Variants in RNF111 observed in about 807,000 individuals in gnomAD.
RNF111 encodes ring finger protein 111.
Under a neutral mutation model 95.1 loss-of-function variants are expected in RNF111, and 17 were observed. The ratio of observed to expected loss-of-function variants is 0.18; its 90% CI spans 0.12 to 0.27. RNF111 has a LOEUF of 0.27. Among genes scored for constraint, RNF111 ranks in the 10% least tolerant of loss-of-function variants. The probability of loss-of-function intolerance (pLI) is 1.00; values close to 1 mark genes in which losing one functional copy is unlikely to be tolerated. For synonymous variants in RNF111, 440 were observed against 414.8 expected, an observed-to-expected ratio of 1.06 and a Z score of -0.74; for missense variants, 1,189 against 1,210.4, an observed-to-expected ratio of 0.98 and a Z score of 0.26.
chr15:59,009,615 T>G (rs548331340), intron 1 of RNF111, among the ~76,000 whole-genome samples: 1 of 151,886 alleles, frequency 6.6e-6, no homozygotes, highest in South Asian at 2.1e-4. Flanking sequence ...ACTTGGAGCA[T>G]TTGTGAGTGA....
rs1434523209 is a variant in RNF111, at chr15:59,067,043, G to A, written c.1646G>A (p.Cys549Tyr). Reference protein sequence around the residue: ...VERPPQVQAPCGANSSSGTSY... With the variant: ...VERPPQVQAPYGANSSSGTSY... ...AGACCTCCACAAGTACAAGCACCTT[G>A]TGGAGCAAATAGTAGTTCTGGTACC... Residue 549 changes from cysteine (C) to tyrosine (Y), a missense_variant, in exon 6 of 14, where the codon TGT becomes TAT. Coordinates refer to ENST00000348370, the MANE Select transcript of RNF111 (RefSeq NM_017610.8). 6.2e-7 allele frequency: 1 copy of A among 1,614,048 alleles called. No individual in the cohort carries two copies.
intron 6 of RNF111, among the ~76,000 whole-genome samples, chr15:59,070,005 C>G (rs1238382609): frequency 6.9e-6 from 1 of 144,260 alleles, no homozygotes; most frequent in Admixed American, 7.2e-5. Context: ...CCATCCCCAC[C>G]CCCCAACCCC....
At chr15:59,015,160 TA>T (rs1462375217) in intron 1 of RNF111, among the ~76,000 whole-genome samples, 1 of 152,204 alleles carries the variant, frequency 6.6e-6, no homozygotes, top group Admixed American at 6.5e-5. Flanking sequence ...TAAATTCTGA[TA>T]TTTTTCTTCA....
At chr15:59,078,757 G>T (rs561922082) in intron 7 of RNF111, among the ~76,000 whole-genome samples, 1 of 152,058 alleles carries the variant, frequency 6.6e-6, no homozygotes, top group East Asian at 1.9e-4. Flanking sequence ...TACTCGGGAG[G>T]CTGAGGCAGG....
chr15:59,007,917 T>A (rs1316845229), intron 1 of RNF111, among the ~76,000 whole-genome samples: 1 of 152,208 alleles, frequency 6.6e-6, no homozygotes, highest in Admixed American at 6.5e-5. Flanking sequence ...CACAAACACA[T>A]GTATATATAA....
intron 1 of RNF111, among the ~76,000 whole-genome samples, chr15:59,001,581 C>T (rs962774436): frequency 6.6e-6 from 1 of 152,088 alleles, no homozygotes; most frequent in Non-Finnish European, 1.5e-5. Flanking sequence ...ATATTAGTGA[C>T]ATGGAAATGG....
chr15:59,030,347 C>A (rs1443610684), intron 1 of RNF111, among the ~76,000 whole-genome samples: 5 of 152,076 alleles, frequency 3.3e-5, no homozygotes, highest in Non-Finnish European at 7.4e-5. Flanking sequence ...AATGTAGTAA[C>A]CATCTAGATG....
intron 1 of RNF111, among the ~76,000 whole-genome samples, chr15:59,014,048 C>G (rs1368346406): frequency 6.6e-6 from 1 of 152,170 alleles, no homozygotes; most frequent in African/African-American, 2.4e-5. Flanking sequence ...TCCATGGCCT[C>G]CCAACATGCT....
At chr15:59,043,569 C>T (rs1418382971) in intron 2 of RNF111, among the ~76,000 whole-genome samples, 1 of 152,110 alleles carries the variant, frequency 6.6e-6, no homozygotes, top group African/African-American at 2.4e-5. Flanking sequence ...TGAGCAGGCT[C>T]CTGTAGGTAG....
chr15:59,090,929 GT>G (rs1566947390), intron 11 of RNF111, 129 bp from the exon 12 acceptor site: 4 of 543,426 alleles, frequency 7.4e-6, no homozygotes, highest in Non-Finnish European at 1.3e-5. Flanking sequence ...TCATGTGTAA[GT>G]TTTTTTGAAC....
intron 5 of RNF111, among the ~76,000 whole-genome samples, chr15:59,059,042 T>C (rs2042321632): frequency 6.6e-6 from 1 of 151,952 alleles, no homozygotes; most frequent in Non-Finnish European, 1.5e-5. Flanking sequence ...CTTTGAGGGG[T>C]TGAGGGTGGA....
At chr15:59,069,908 T>G (rs1008824360) in intron 6 of RNF111, among the ~76,000 whole-genome samples, 50 of 151,752 alleles carry the variant, frequency 3.3e-4, no homozygotes, top group African/African-American at 1.2e-3. Flanking sequence ...TAGACTGGCA[T>G]ACCGAGAAGA....
intron 2 of RNF111, among the ~76,000 whole-genome samples, chr15:59,041,313 T>C (rs1286548312): frequency 2.0e-5 from 3 of 152,184 alleles, no homozygotes; most frequent in Non-Finnish European, 2.9e-5. Context: ...CCCAGCACTT[T>C]GGGAGGCCGA....
intron 2 of RNF111, among the ~76,000 whole-genome samples, chr15:59,045,273 C>T (rs2041654041): frequency 6.6e-6 from 1 of 151,696 alleles, no homozygotes; most frequent in Non-Finnish European, 1.5e-5. Context: ...TCACTGCAAC[C>T]TCTGCCTCCC....
intron 7 of RNF111, among the ~76,000 whole-genome samples, 156 bp from the exon 8 acceptor site, chr15:59,080,780 C>A (rs1357764551): frequency 6.6e-6 from 1 of 152,028 alleles, no homozygotes; most frequent in East Asian, 1.9e-4. Flanking sequence ...AAGAAGGGAG[C>A]AAGTTGCTTG....
intron 1 of RNF111, among the ~76,000 whole-genome samples, chr15:59,025,856 G>A (rs573821609): frequency 2.6e-5 from 4 of 151,920 alleles, no homozygotes; most frequent in Admixed American, 6.6e-5. Context: ...TCAGCCTCCC[G>A]AGTAGCTGGG....
chr15:59,066,103 T>C (rs949286144), intron 5 of RNF111, among the ~76,000 whole-genome samples: 13 of 152,160 alleles, frequency 8.5e-5, no homozygotes, highest in South Asian at 2.1e-4. Flanking sequence ...GGGAAGAGCA[T>C]TTGCTTTGTA....
rs986096492 is a variant in RNF111 at position 59,081,382 on chromosome 15, C to T, written c.2297+98C>T. On this transcript the variant is annotated intron_variant, in intron 8 of 13. Coordinates refer to ENST00000348370, the MANE Select transcript of RNF111 (RefSeq NM_017610.8). ...AAATCCAACTAGGCATGGTGGCATG[C>T]ACTTGTAGTCACAGCTCCTTGGGAG... 18 of 996,696 alleles carry T rather than the reference C, an allele frequency of 1.8e-5. No individual in the cohort carries two copies. The African/African-American group carries it at 2.4e-4, about 13-fold the overall frequency. The allele number at this position is 996,696 out of a possible 1,614,324, so 61.7% of individuals were successfully genotyped here.
chr15:59,072,523 G>T (rs564465619), intron 6 of RNF111, among the ~76,000 whole-genome samples: 1 of 138,656 alleles, frequency 7.2e-6, no homozygotes, highest in Non-Finnish European at 1.5e-5. Context: ...GCGTGATCTC[G>T]GCTCACTGAA....
Sources: gnomAD v4.1 joint callset for allele counts (sites outside exome capture counted in the v4.1 genomes callset) on GRCh38, gnomAD v4.1.1 for gene constraint, MANE v1.5 for transcripts, NCBI Gene and HGNC (gene_info 2026-07-23, HGNC 2026-07-21) for gene names.